Variants in FNBP4 observed in about 807,000 individuals in gnomAD.
The protein encoded by FNBP4 is formin binding protein 4.
FNBP4 carries 34 observed loss-of-function variants against 119.3 expected under a neutral mutation model. The ratio of observed to expected loss-of-function variants is 0.28; its 90% confidence interval spans 0.22 to 0.38. The LOEUF is 0.38. Ranked by LOEUF, FNBP4 falls within the 10% of genes least tolerant of loss-of-function variation. FNBP4 has a pLI of 1.00. For synonymous variants in FNBP4, 462 were observed against 430.6 expected (o/e 1.07, Z -0.90); for missense variants, 1,112 against 1,228.9 (o/e 0.90, Z 1.42).
intron 6 of FNBP4, among the ~76,000 whole-genome samples, chr11:47,746,752 T>G (rs1020608708): frequency 6.6e-6 from 1 of 152,052 alleles, no homozygotes. Context: ...ACCTTGTGAT[T>G]TGCCCACCTC....
At chr11:47,759,724 G>A (rs1411873180) in intron 2 of FNBP4, among the ~76,000 whole-genome samples, 4 of 152,044 alleles carry the variant, frequency 2.6e-5, no homozygotes, top group South Asian at 4.2e-4. Flanking sequence ...AGGCCAAGGC[G>A]GGTGGATCAC....
chr11:47,765,441 A>G, intron 1 of FNBP4, 79 bp from the exon 2 acceptor site: 2 of 1,023,696 alleles, frequency 2.0e-6, no homozygotes, highest in South Asian at 2.8e-5. Context: ...TCCAGACCAG[A>G]GAAAACACTA....
intron 2 of FNBP4, among the ~76,000 whole-genome samples, chr11:47,756,100 T>C (rs2097617273): frequency 6.6e-6 from 1 of 152,110 alleles, no homozygotes; most frequent in African/African-American, 2.4e-5. Flanking sequence ...GAATTAAAAA[T>C]GGGGCTCAAC....
chr11:47,730,285 G>C (rs1335191586), intron 12 of FNBP4: 3 of 964,568 alleles, frequency 3.1e-6, no homozygotes, highest in Non-Finnish European at 3.7e-6. Flanking sequence ...ATCTCTTCAT[G>C]TAAAAGGGAA....
At chr11:47,731,785 C>A (rs2097567710) in intron 11 of FNBP4, 3 of 1,261,180 alleles carry the variant, frequency 2.4e-6, no homozygotes, top group South Asian at 3.1e-5. Flanking sequence ...AGCCCTGAAC[C>A]CTCTCACTCC....
At chr11:47,757,310 G>T (rs969747257) in intron 2 of FNBP4, among the ~76,000 whole-genome samples, 3 of 152,002 alleles carry the variant, frequency 2.0e-5, no homozygotes, top group Non-Finnish European at 4.4e-5. Flanking sequence ...TGCCTCTCAG[G>T]TTCACGCCAT....
At chr11:47,729,064 C>A (rs1175780594) in intron 12 of FNBP4, 3 of 604,712 alleles carry the variant, frequency 5.0e-6, no homozygotes, top group African/African-American at 2.0e-5. Context: ...GTTGCCCAGG[C>A]TGGTCTTGAA....
chr11:47,741,159 G>A (rs997182740), intron 8 of FNBP4, among the ~76,000 whole-genome samples: 1 of 151,356 alleles, frequency 6.6e-6, no homozygotes, highest in Non-Finnish European at 1.5e-5. Flanking sequence ...GTGAGCCACC[G>A]TGCGCCAGTC....
At chr11:47,764,110 ATATTT>A (rs1359713676) in intron 2 of FNBP4, among the ~76,000 whole-genome samples, 6 of 151,900 alleles carry the variant, frequency 3.9e-5, no homozygotes, top group Admixed American at 3.9e-4. Context: ...ATTTAAATTT[ATATTT>A]TATTTTATGT....
At chr11:47,751,412 G>T in intron 4 of FNBP4, 122 bp from the exon 5 acceptor site, 1 of 1,120,798 alleles carries the variant, frequency 8.9e-7, no homozygotes, top group Non-Finnish European at 1.3e-6. Flanking sequence ...GGGCACACAG[G>T]TCTTTGTTGT....
Position 47,750,929 on chromosome 11 carries a change from C to T in FNBP4, c.893G>A (p.Arg298Gln), listed in dbSNP as rs761957350. The change falls in exon 6 of 17, where the codon CGA becomes CAA. Residue 298 changes from arginine (R) to glutamine (Q), a missense_variant. By Grantham distance (43) the Arg-to-Gln change is conservative. This residue lies in a region of FNBP4 where 826 missense variants were observed against 988.8 expected (regional missense o/e 0.84). Coordinates refer to ENST00000263773, the MANE Select transcript of FNBP4 (RefSeq NM_015308.5). ...SSKSGPVIAK[R>Q]EVKKEVNEGI... ...TTCGACACTGACCTTTTTAACTTCT[C>T]GCTTGGCTATGACTGGTCCACTTTT... 16 of 1,613,678 alleles carry T rather than the reference C, an allele frequency of 9.9e-6. No homozygotes were observed. Among genetic ancestry groups the T allele is most frequent in the Middle Eastern group, 1.6e-4 (1 of 6,072 alleles).
At position 47,732,408 on chromosome 11, in the gene FNBP4, C is replaced by A; in HGVS notation, c.1820+129G>T. ...AAACTTTGTGCTTGCGGTGCTTTGC[C>A]TGCCCAGCACCGCTAACTGCAGCTG... On this transcript the variant is annotated intron_variant, in intron 11 of 16. Transcript: ENST00000263773. This position sits in a 1 kb window ranked among gnomAD's most constrained non-coding sequence, Gnocchi z 4.2. The A allele has an allele frequency of 6.6e-7, 1 of 1,519,720 alleles. No individual in the cohort carries two copies. The highest frequency in any genetic ancestry group is 8.8e-7 in the Non-Finnish European group (1 of 1,135,662). 94.1% of individuals were successfully genotyped at this position (1,519,720 alleles called of 1,614,324 possible).
At chr11:47,734,271 T>A (rs1684435195) in intron 9 of FNBP4, 142 bp from the exon 10 acceptor site, 1 of 467,064 alleles carries the variant, frequency 2.1e-6, no homozygotes, top group Non-Finnish European at 3.8e-6. Flanking sequence ...TATTTAGTTA[T>A]CCAGAATATA....
At chr11:47,735,301 A>G (rs1344757553) in intron 9 of FNBP4, among the ~76,000 whole-genome samples, 1 of 152,196 alleles carries the variant, frequency 6.6e-6, no homozygotes, top group African/African-American at 2.4e-5. Flanking sequence ...AATTGCTTAT[A>G]TTAGCCACCT....
intron 12 of FNBP4, among the ~76,000 whole-genome samples, chr11:47,728,524 CGTGAGCT>C (rs1322498696): frequency 1.3e-5 from 2 of 152,014 alleles, no homozygotes; most frequent in Non-Finnish European, 2.9e-5. Flanking sequence ...GGATTACAGC[CGTGAGCT>C]GTAATTTTTC....
chr11:47,754,159 A>T (rs576426817), intron 3 of FNBP4, among the ~76,000 whole-genome samples: 1 of 151,198 alleles, frequency 6.6e-6, no homozygotes, highest in African/African-American at 2.4e-5. Context: ...GTGAGGCGAG[A>T]TCGTACCGCT....
chr11:47,754,853 A>C (rs1272610931), intron 2 of FNBP4, among the ~76,000 whole-genome samples, 189 bp from the exon 3 acceptor site: 1 of 152,034 alleles, frequency 6.6e-6, no homozygotes, highest in Non-Finnish European at 1.5e-5. Flanking sequence ...ATAAAAATTG[A>C]TCTATAGGCC....
intron 15 of FNBP4, 30 bp from the exon 16 acceptor site, chr11:47,720,116 T>G (rs150185975): frequency 6.3e-7 from 1 of 1,590,504 alleles, no homozygotes; most frequent in Non-Finnish European, 8.6e-7. Context: ...TCAAAAGGAA[T>G]AGAAAACATA....
intron 2 of FNBP4, among the ~76,000 whole-genome samples, chr11:47,757,036 T>C (rs188097643): frequency 9.1e-4 from 138 of 152,288 alleles, no homozygotes; most frequent in Non-Finnish European, 1.7e-3. Flanking sequence ...AGCAGCATGA[T>C]TTATAATCCT....
Sources: gnomAD v4.1 joint callset for allele counts (sites outside exome capture counted in the v4.1 genomes callset) on GRCh38, gnomAD v4.1.1 for gene constraint, gnomAD v4.1.1 regional missense constraint, Gnocchi (gnomAD v3.1) non-coding constraint, MANE v1.5 for transcripts, NCBI Gene and HGNC (gene_info 2026-07-23, HGNC 2026-07-21) for gene names.